Variants in ZSCAN29 observed in about 807,000 individuals in gnomAD.
The protein encoded by ZSCAN29 is zinc finger and SCAN domain containing 29, also known as zinc finger and SCAN domain-containing protein 29.
A neutral mutation model predicts 71.9 loss-of-function variants in ZSCAN29; 55 were observed. The observed-to-expected ratio is 0.76, with a 90% CI of 0.62 to 0.96. The LOEUF (loss-of-function observed/expected upper bound fraction) is 0.96, where lower values mean the gene tolerates loss of function less well. ZSCAN29 is among the 40% of genes least tolerant of loss of function. ZSCAN29 has a pLI of 0.00. For synonymous variants in ZSCAN29, 351 were observed against 371.6 expected, an observed-to-expected ratio of 0.94 and a Z score of 0.64; for missense variants, 1,042 against 1,042.2, an observed-to-expected ratio of 1.00 and a Z score of 0.00.
rs1283378978 is a variant in ZSCAN29, at chr15:43,361,558, G to A, written c.2074C>T (p.Arg692Ter). 23 of 1,613,754 alleles carry A rather than the reference G, an allele frequency of 1.4e-5. No individual in the cohort carries two copies. Among genetic ancestry groups the A allele is most frequent in the South Asian group, 3.3e-5 (3 of 91,074 alleles). The change falls in exon 6 of 6, where the codon CGA (arginine) becomes TGA (stop). Residue 692 changes from arginine (R) to a stop codon, truncating the protein, a stop_gained. Transcript: ENST00000684362. LOFTEE classifies it high-confidence loss of function. ...DCGKSFSRSARLIRHRRIHTG... is the reference protein window; with the variant it reads ...DCGKSFSRSA ...TGGATTCTCCGGTGTCTAATGAGTC[G>A]TGCACTCCGACTGAAGCTTTTCCCA...
At position 43,361,640 on chromosome 15, in the gene ZSCAN29, G is replaced by A. The variant is rs745763475; in HGVS notation, c.1992C>T (p.Ser664=). ...LKYSKSFGPN[S]LLMHQVSHQV... is the part of the protein sequence containing the mutation. ...GGTGGGATACCTGATGCATGAGAAG[G>A]GAGTTTGGACCAAAGCTTTTGCTGT... is the stretch of plus-strand genomic sequence containing the variant. The change falls in exon 6 of 6, where the codon TCC becomes TCT. Residue 664 remains serine (S), a synonymous_variant. Coordinates refer to ENST00000684362, the MANE Select transcript of ZSCAN29 (RefSeq NM_001372080.1). 6.2e-7 allele frequency: 1 copy of A among 1,614,162 alleles called. No individual in the cohort carries two copies. Among genetic ancestry groups the A allele is most frequent in the Non-Finnish European group, 8.5e-7 (1 of 1,180,034 alleles).
At position 43,364,056 on chromosome 15, in the gene ZSCAN29, T is replaced by G. The variant is rs747492950; in HGVS notation, c.1549A>C (p.Thr517Pro). 2 of 1,614,154 alleles carry G rather than the reference T, an allele frequency of 1.2e-6. No individual in the cohort carries two copies. Among genetic ancestry groups the G allele is most frequent in the Admixed American group, 3.3e-5 (2 of 60,012 alleles). Residue 517 changes from threonine (T) to proline (P), a missense_variant, in exon 5 of 6, where the codon ACC becomes CCC. Coordinates refer to ENST00000684362, the MANE Select transcript of ZSCAN29 (RefSeq NM_001372080.1). ...EETASCPVQG[T>P]SEAEAQKQAE... ...TGCTTCTGAGCTTCAGCCTCACTGG[T>G]CCCCTGGACGGGGCAAGAAGCAGTC...
rs755247215 is a variant in ZSCAN29 at position 43,366,378 on chromosome 15, A to T, written c.954T>A (p.Pro318=). The stretch of plus-strand genomic sequence containing the variant: ...TCTCTTCAAAGAAGGGGCAGGTCTC[A>T]GGTGGGTGGCCGCTCTTGACTTTCC... ...SYRKVKSGHP[P]ETCPFFEEME... Residue 318 remains proline, a synonymous_variant, in exon 4 of 6, where the codon CCT becomes CCA. Coordinates refer to ENST00000684362, the MANE Select transcript of ZSCAN29 (RefSeq NM_001372080.1). 3.7e-6 allele frequency: 6 copies of T among 1,614,016 alleles called. No individual in the cohort carries two copies. The East Asian group carries it at 1.1e-4, about 30-fold the overall frequency.
intron 1 of ZSCAN29, 194 bp from the exon 2 acceptor site, chr15:43,370,219 ACT>A (rs1392924894): frequency 5.9e-6 from 2 of 336,360 alleles, no homozygotes; most frequent in East Asian, 1.3e-4. Flanking sequence ...GAATAAAAGT[ACT>A]GTCTGCCCCT....
rs779129277 is a variant in ZSCAN29, at chr15:43,366,142, G to A, written c.1190C>T (p.Ser397Leu). Residue 397 changes from serine (S) to leucine (L), a missense_variant, in exon 4 of 6, where the codon TCA (serine) becomes TTA (leucine). Transcript: ENST00000684362. ...DLEATPQDPNSAAPVVFRSPG... is the reference protein window; with the variant it reads ...DLEATPQDPNLAAPVVFRSPG... ...GCTTCTGAACACAACAGGTGCAGCT[G>A]AGTTGGGGTCCTGGGGGGTCGCCTC... is the stretch of plus-strand genomic sequence containing the variant. The A allele has an allele frequency of 8.7e-6, 14 of 1,613,454 alleles. No homozygotes were observed. The African/African-American group carries it at 1.6e-4, about 18-fold the overall frequency.
rs775941816 is a variant in ZSCAN29 at position 43,370,973 on chromosome 15, T to TGGCCCCGGCCCC, written c.-529_-528insGGGGCCGGGGCC. On this transcript the variant is annotated 5_prime_UTR_variant, in exon 1 of 6. Coordinates refer to ENST00000684362, the MANE Select transcript of ZSCAN29 (RefSeq NM_001372080.1). The stretch of plus-strand genomic sequence containing the variant: ...GCCTCACCCACTCGGGGTCCGACCC[T>TGGCCCCGGCCCC]GACCCCGGCCCCGGCCCCGGCCCCG... 52 of 112,998 alleles carry TGGCCCCGGCCCC rather than the reference T, an allele frequency of 4.6e-4. No homozygotes were observed. Among genetic ancestry groups the TGGCCCCGGCCCC allele is most frequent in the South Asian group, 1.2e-3 (15 of 13,042 alleles). 7.0% of individuals were successfully genotyped at this position (112,998 alleles called of 1,614,324 possible). A position where few individuals can be genotyped will look rare whatever the true frequency, so the allele number is the denominator to read the frequency against.
At position 43,370,609 on chromosome 15, in the gene ZSCAN29, G is replaced by C. The variant is rs2142743585; in HGVS notation, c.-164C>G. 1 of 152,782 alleles carries C rather than the reference G, an allele frequency of 6.5e-6. No individual in the cohort carries two copies. Among genetic ancestry groups the C allele is most frequent in the East Asian group, 1.9e-4 (1 of 5,192 alleles). 9.5% of individuals were successfully genotyped at this position (152,782 alleles called of 1,614,324 possible). On this transcript the variant is annotated 5_prime_UTR_variant, in exon 1 of 6. Coordinates refer to ENST00000684362, the MANE Select transcript of ZSCAN29 (RefSeq NM_001372080.1). ...GAAGCTGGTTTTGGCTCCAAAGCGA[G>C]GACCATGGGGGCTTGGGGAGAGTCA...
intron 3 of ZSCAN29, among the ~76,000 whole-genome samples, chr15:43,368,051 A>G (rs2031544216): frequency 6.6e-6 from 1 of 152,072 alleles, no homozygotes; most frequent in Non-Finnish European, 1.5e-5. Context: ...CAGGTGAACA[A>G]AAAAATATAA....
At position 43,364,216 on chromosome 15, in the gene ZSCAN29, G is replaced by A; in HGVS notation, c.1389C>T (p.Thr463=). Residue 463 remains threonine, a synonymous_variant, in exon 5 of 6, where the codon ACC becomes ACT. Transcript: ENST00000684362. ...GFLRTPEQCR[T]KFKSLQTSYR... ...AGCTGGTTTGCAGGCTTTTAAACTT[G>A]GTCCGACACTGTTCTGGGGTCCTAA... 6.2e-7 allele frequency: 1 copy of A among 1,614,124 alleles called. No individual in the cohort carries two copies. The highest frequency in any genetic ancestry group is 1.3e-5 in the African/African-American group (1 of 75,020).
rs778677754 is a variant in ZSCAN29 at position 43,366,404 on chromosome 15, G to C, written c.928C>G (p.Arg310Gly). The change falls in exon 4 of 6, where the codon CGG (arginine) becomes GGG (glycine). Residue 310 changes from arginine (R) to glycine (G), a missense_variant. Transcript: ENST00000684362. ...TKFKGLQKSY[R>G]KVKSGHPPET... Reference sequence around the variant, plus strand: ...GGTGGGTGGCCGCTCTTGACTTTCCGATAGCTCTTCTGGAGACCTTTGAAC... The same window carrying C: ...GGTGGGTGGCCGCTCTTGACTTTCCCATAGCTCTTCTGGAGACCTTTGAAC... 3.1e-6 allele frequency: 5 copies of C among 1,614,106 alleles called. No individual in the cohort carries two copies. The highest frequency in any genetic ancestry group is 1.6e-4 in the Middle Eastern group (1 of 6,062).
Position 43,370,973 on chromosome 15 carries a change from T to C in ZSCAN29, c.-528A>G, listed in dbSNP as rs867593381. 110 of 112,998 alleles carry C rather than the reference T, an allele frequency of 9.7e-4. 1 individual carries two copies. The highest frequency in any genetic ancestry group is 5.4e-3 in the East Asian group (26 of 4,788). 7.0% of individuals were successfully genotyped at this position (112,998 alleles called of 1,614,324 possible). A position where few individuals can be genotyped will look rare whatever the true frequency, so the allele number is the denominator to read the frequency against. On this transcript the variant is annotated 5_prime_UTR_variant, in exon 1 of 6. Coordinates refer to ENST00000684362, the MANE Select transcript of ZSCAN29 (RefSeq NM_001372080.1). Reference sequence around the variant, plus strand: ...GCCTCACCCACTCGGGGTCCGACCCTGACCCCGGCCCCGGCCCCGGCCCCG... The same window carrying C: ...GCCTCACCCACTCGGGGTCCGACCCCGACCCCGGCCCCGGCCCCGGCCCCG...
Position 43,361,759 on chromosome 15 carries a change from T to C in ZSCAN29, c.1873A>G (p.Arg625Gly). The change falls in exon 6 of 6, where the codon AGA becomes GGA. Residue 625 changes from arginine (R) to glycine (G), a missense_variant. Arg to Gly is a moderately radical substitution (Grantham distance 125, BLOSUM62 -2). Transcript: ENST00000684362. ...RQWAKTSGEK[R>G]GKLTLPEKSL... ...TTCTCCGGGAGTGTCAGTTTTCCTC[T>C]TTTCTCCCCTGAGGTCTTTGCCCAC... The C allele has an allele frequency of 1.2e-6, 2 of 1,614,186 alleles. No homozygotes were observed. Among genetic ancestry groups the C allele is most frequent in the Non-Finnish European group, 1.7e-6 (2 of 1,180,034 alleles).
chr15:43,369,742 C>T lies in ZSCAN29; in HGVS notation c.172G>A (p.Val58Ile). 6.2e-7 allele frequency: 1 copy of T among 1,614,276 alleles called. No homozygotes were observed. Among genetic ancestry groups the T allele is most frequent in the Non-Finnish European group, 8.5e-7 (1 of 1,180,050 alleles). Residue 58 changes from valine (V) to isoleucine (I), a missense_variant, in exon 2 of 6, where the codon GTA becomes ATA. Physicochemically the swap from Val to Ile is conservative, Grantham distance 29. Transcript: ENST00000684362. ...AACTGCTCTAGCACCAACAGTTCTA[C>T]AATCTGCTCCTTGGTGCGCACCTCC... ...RPEVRTKEQIVELLVLEQFLT... is the reference protein window; with the variant it reads ...RPEVRTKEQIIELLVLEQFLT...
intron 4 of ZSCAN29, chr15:43,364,607 G>GC: frequency 1.7e-6 from 1 of 602,786 alleles, no homozygotes; most frequent in Non-Finnish European, 3.0e-6. Context: ...ATTCTGTTTA[G>GC]CCATATAAAA....
rs995107281 is a variant in ZSCAN29, at chr15:43,359,629, A to G, written c.*1444T>C. ...GGTAAGTGCCCATGGAGGGCATAAC[A>G]CTATACCAGGTGTGTGGAATATGGA... is the stretch of plus-strand genomic sequence containing the variant. On this transcript the variant is annotated 3_prime_UTR_variant, in exon 6 of 6. Transcript: ENST00000684362. 1.3e-5 allele frequency: 2 copies of G among 152,234 alleles called. No individual in the cohort carries two copies. The highest frequency in any genetic ancestry group is 1.5e-5 in the Non-Finnish European group (1 of 68,048). 9.4% of individuals were successfully genotyped at this position (152,234 alleles called of 1,614,324 possible).
chr15:43,370,218 T>A, intron 1 of ZSCAN29, 193 bp from the exon 2 acceptor site: 1 of 336,588 alleles, frequency 3.0e-6, no homozygotes, highest in Non-Finnish European at 5.5e-6. Context: ...AGAATAAAAG[T>A]ACTGTCTGCC....
rs749214283 is a variant in ZSCAN29, at chr15:43,366,181, T to A, written c.1151A>T (p.Asp384Val). 1 of 1,614,114 alleles carries A rather than the reference T, an allele frequency of 6.2e-7. No homozygotes were observed. Among genetic ancestry groups the A allele is most frequent in the East Asian group, 2.2e-5 (1 of 44,882 alleles). Residue 384 changes from aspartate to valine, a missense_variant, in exon 4 of 6, where the codon GAT becomes GTT. Physicochemically the swap from Asp to Val is radical, Grantham distance 152. Transcript: ENST00000684362. ...EEAVAQESDS[D>V]DMDLEATPQD... Reference sequence around the variant, plus strand: ...GGGGGTCGCCTCTAGATCCATGTCATCACTGTCAGACTCCTGAGCCACAGC... The same window carrying A: ...GGGGGTCGCCTCTAGATCCATGTCAACACTGTCAGACTCCTGAGCCACAGC...
In ZSCAN29 at chr15:43,369,835, G is replaced by C; in HGVS notation, c.79C>G (p.Gln27Glu). Residue 27 changes from glutamine to glutamate, a missense_variant, in exon 2 of 6, where the codon CAG (glutamine) becomes GAG (glutamate). Transcript: ENST00000684362. ...GCCTCCCGCGGCCCAGCCACCTCCT[G>C]GTAATGGAATCTCCTGAAACGCTGT... is the stretch of plus-strand genomic sequence containing the variant. ...FRQRFRRFHY[Q>E]EVAGPREAFS... 3 of 1,614,010 alleles carry C rather than the reference G, an allele frequency of 1.9e-6. No individual in the cohort carries two copies. The highest frequency in any genetic ancestry group is 2.5e-6 in the Non-Finnish European group (3 of 1,180,052).
rs2044011743 is a variant in ZSCAN29, at chr15:43,364,112, A to T, written c.1493T>A (p.Val498Asp). 6.2e-7 allele frequency: 1 copy of T among 1,614,120 alleles called. No individual in the cohort carries two copies. The highest frequency in any genetic ancestry group is 2.2e-5 in the East Asian group (1 of 44,882). ...CTGGCCATCATTGGGTGGGGCAGCA[A>T]CCCGGACACTCACCAAAGCATCCAT... ...EEMDALVSVRVAAPPNDGQEE... is the reference protein window; with the variant it reads ...EEMDALVSVRDAAPPNDGQEE... The change falls in exon 5 of 6, where the codon GTT (valine) becomes GAT (aspartate). Residue 498 changes from valine to aspartate, a missense_variant. Transcript: ENST00000684362.
Sources: allele counts gnomAD v4.1 joint callset (sites outside exome capture counted in the v4.1 genomes callset), GRCh38; gene constraint gnomAD v4.1.1; transcripts MANE v1.5; gene names NCBI Gene and HGNC (gene_info 2026-07-23, HGNC 2026-07-21).